FGF1: variants seen among roughly 807,000 people sequenced by gnomAD.
FGF1 encodes beta-endothelial cell growth factor.
FGF1 carries 9 observed loss-of-function variants against 13.4 expected under a neutral mutation model. The ratio of observed to expected loss-of-function variants is 0.67; its 90% confidence interval spans 0.40 to 1.17. The LOEUF (loss-of-function observed/expected upper bound fraction) is 1.17, where lower values mean the gene tolerates loss of function less well. Among genes scored for constraint, FGF1 ranks in the 50% most tolerant of loss-of-function variants. FGF1 has a pLI of 0.01. For synonymous variants in FGF1, 93 were observed against 79.0 expected, an observed-to-expected ratio of 1.18 and a Z score of -0.94; for missense variants, 156 against 192.7, an observed-to-expected ratio of 0.81 and a Z score of 1.13.
rs1245475923 is a variant in FGF1 at position 142,614,136 on chromosome 5, A to C, written c.-9T>G. Reference sequence around the variant, plus strand: ...ATTTCCCCTTCAGCCATGGCTCAGCAGCTGCTGCTTGTGGCGCTTTCAAGA... The same window carrying C: ...ATTTCCCCTTCAGCCATGGCTCAGCCGCTGCTGCTTGTGGCGCTTTCAAGA... On this transcript the variant is annotated 5_prime_UTR_variant, in exon 2 of 4. Coordinates refer to ENST00000337706, the MANE Select transcript of FGF1 (RefSeq NM_000800.5). 1 of 1,614,094 alleles carries C rather than the reference A, an allele frequency of 6.2e-7. No homozygotes were observed. Among genetic ancestry groups the C allele is most frequent in the African/African-American group, 1.3e-5 (1 of 75,064 alleles).
At chr5:142,624,168 C>T (rs1233216443) in intron 1 of FGF1, among the ~76,000 whole-genome samples, 1 of 152,160 alleles carries the variant, frequency 6.6e-6, no homozygotes, top group East Asian at 1.9e-4. Context: ...GATCCACCTG[C>T]CTCAGCCTCC....
At chr5:142,595,805 A>G (rs1339059286) in intron 3 of FGF1, among the ~76,000 whole-genome samples, 1 of 152,228 alleles carries the variant, frequency 6.6e-6, no homozygotes, top group Non-Finnish European at 1.5e-5. Flanking sequence ...AGAATCTCCC[A>G]CTGGGGACAT....
At chr5:142,614,292 G>A in intron 1 of FGF1, 131 bp from the exon 2 acceptor site, 1 of 680,846 alleles carries the variant, frequency 1.5e-6, no homozygotes, top group Non-Finnish European at 2.5e-6. Flanking sequence ...CCCAGGTGAT[G>A]CCCGCAGTCC....
intron 1 of FGF1, among the ~76,000 whole-genome samples, chr5:142,660,696 T>C (rs923317157): frequency 1.3e-5 from 2 of 152,210 alleles, no homozygotes; most frequent in African/African-American, 4.8e-5. Flanking sequence ...CAGCAAGTTT[T>C]TAATGCCAAA....
intron 2 of FGF1, among the ~76,000 whole-genome samples, chr5:142,693,650 C>T (rs1053716829): frequency 6.6e-6 from 1 of 152,116 alleles, no homozygotes. Flanking sequence ...TTTTGTCACC[C>T]CCCAAAGAAA....
intron 1 of FGF1, among the ~76,000 whole-genome samples, chr5:142,679,475 C>T (rs1437931180): frequency 2.6e-5 from 4 of 152,162 alleles, no homozygotes. Context: ...GTCTATACCC[C>T]CATCTAGCCT....
intron 2 of FGF1, among the ~76,000 whole-genome samples, chr5:142,609,754 GC>G (rs1354179844): frequency 6.6e-6 from 1 of 152,206 alleles, no homozygotes; most frequent in African/African-American, 2.4e-5. Flanking sequence ...GCACTTATGT[GC>G]CTAGCAGTGT....
chr5:142,664,851 T>C (rs1343780471), intron 1 of FGF1, among the ~76,000 whole-genome samples: 1 of 152,212 alleles, frequency 6.6e-6, no homozygotes, highest in Admixed American at 6.5e-5. Flanking sequence ...ACGTCACCTC[T>C]CTGAACCTCA....
chr5:142,649,617 C>T (rs1329765835), intron 1 of FGF1, among the ~76,000 whole-genome samples: 2 of 152,030 alleles, frequency 1.3e-5, no homozygotes, highest in Non-Finnish European at 2.9e-5. Context: ...CCATGTTAGC[C>T]AGGATGGTCT....
chr5:142,613,897 C>T, intron 2 of FGF1, 62 bp downstream of exon 2: 3 of 1,554,396 alleles, frequency 1.9e-6, no homozygotes, highest in Non-Finnish European at 1.8e-6. Flanking sequence ...GTGCACCTTC[C>T]TCCCACCTTG....
At chr5:142,678,897 C>T (rs1225777921) in intron 1 of FGF1, among the ~76,000 whole-genome samples, 2 of 152,194 alleles carry the variant, frequency 1.3e-5, no homozygotes, top group Non-Finnish European at 2.9e-5. Context: ...CTAGAGCATA[C>T]TCTGTTGAGG....
At position 142,594,881 on chromosome 5, in the gene FGF1, G is replaced by A. The variant is rs1396769274; in HGVS notation, c.*409C>T. ...TTGCAGGGCACAGGAAGGACAAAAG[G>A]GAGCCATGCCAGATGTTTGGGGGAA... On this transcript the variant is annotated 3_prime_UTR_variant, in exon 4 of 4. Coordinates refer to ENST00000337706, the MANE Select transcript of FGF1 (RefSeq NM_000800.5). 1 of 157,654 alleles carries A rather than the reference G, an allele frequency of 6.3e-6. No homozygotes were observed. Among genetic ancestry groups the A allele is most frequent in the Admixed American group, 6.4e-5 (1 of 15,702 alleles). The allele number at this position is 157,654 out of a possible 1,614,324, so 9.8% of individuals were successfully genotyped here. A position where few individuals can be genotyped will look rare whatever the true frequency, so the allele number is the denominator to read the frequency against.
rs17217345 is a variant in FGF1, at chr5:142,601,616, AG to A, written c.170-812del. On this transcript the variant is annotated intron_variant, in intron 2 of 3. Transcript: ENST00000337706. ...GAAGACAGTTTCTGTTGTCACAGCT[AG>A]GGGGGGCGGGTGCTACTGGCATCTA... 2.9e-3 allele frequency among the ~76,000 whole-genome samples: 438 copies of A among 151,356 alleles called. 1 individual carries two copies. Among genetic ancestry groups the A allele is most frequent in the African/African-American group, 0.01 (416 of 40,886 alleles).
At chr5:142,656,735 G>C (rs1768246899) in intron 1 of FGF1, among the ~76,000 whole-genome samples, 2 of 152,124 alleles carry the variant, frequency 1.3e-5, no homozygotes, top group African/African-American at 4.8e-5. Flanking sequence ...CATATGAGTG[G>C]GGAAAAGGAA....
chr5:142,692,823 A>AAAACAAACAAACAAAC (rs59345808), intron 2 of FGF1, among the ~76,000 whole-genome samples: 1 of 151,094 alleles, frequency 6.6e-6, no homozygotes, highest in African/African-American at 2.4e-5. Context: ...CTATTTGGCA[A>AAAACAAACAAACAAAC]AAACAAACAA....
rs17217233 is a variant in FGF1 at position 142,614,798 on chromosome 5, T to C, written c.-34-637A>G. ...ACAGAGTGGGAGTAAGTGGGGTTTT[T>C]AAAGGGCAAATACCATATCAAAGGA... is the stretch of plus-strand genomic sequence containing the variant. On this transcript the variant is annotated intron_variant, in intron 1 of 3. Coordinates refer to ENST00000337706, the MANE Select transcript of FGF1 (RefSeq NM_000800.5). 4.4e-4 allele frequency among the ~76,000 whole-genome samples: 67 copies of C among 152,240 alleles called. No individual in the cohort carries two copies. The East Asian group carries it at 0.01, about 23-fold the overall frequency.
Position 142,686,019 on chromosome 5 carries a change from G to T in FGF1, c.-97C>A, listed in dbSNP as rs1751111654. The T allele has an allele frequency of 1.3e-5, 2 of 152,176 alleles. No homozygotes were observed. The highest frequency in any genetic ancestry group is 4.1e-4 in the South Asian group (2 of 4,824). The allele number at this position is 152,176 out of a possible 1,614,324, so 9.4% of individuals were successfully genotyped here. ...ACACTCGCTCAGTGCTGTCCCAGGG[G>T]AAGCAGAATCCACTTGGTGTCTTCT... On this transcript the variant is annotated 5_prime_UTR_variant, in exon 1 of 4. Transcript: ENST00000337706.
At chr5:142,614,557 G>C (rs1759799735) in intron 1 of FGF1, among the ~76,000 whole-genome samples, 1 of 152,160 alleles carries the variant, frequency 6.6e-6, no homozygotes, top group African/African-American at 2.4e-5. Context: ...ACCCACAAAA[G>C]CTGAGAGGCC....
intron 1 of FGF1, among the ~76,000 whole-genome samples, chr5:142,671,452 A>C (rs17216832): frequency 0.024 from 3,600 of 152,356 alleles, 65 homozygotes; most frequent in Non-Finnish European, 0.036. Flanking sequence ...CGTAAAACAC[A>C]GCTGCTACAT....
Sources: gnomAD v4.1 joint callset for allele counts (sites outside exome capture counted in the v4.1 genomes callset) on GRCh38, gnomAD v4.1.1 for gene constraint, MANE v1.5 for transcripts, NCBI Gene and HGNC (gene_info 2026-07-23, HGNC 2026-07-21) for gene names.